Variants in ERICH3 observed in about 807,000 individuals in gnomAD.
ERICH3 encodes glutamate rich 3, also known as glutamate-rich protein 3.
In ERICH3, 126 loss-of-function variants were observed where a neutral mutation model predicts 131.1. The observed-to-expected ratio is 0.96, with a 90% confidence interval of 0.83 to 1.11. The LOEUF is 1.11. Among genes scored for constraint, ERICH3 ranks in the 50% most tolerant of loss-of-function variants. The pLI is 0.00. For missense variants in ERICH3, 2,050 were observed against 1,810.7 expected, an observed-to-expected ratio of 1.13 and a Z score of -2.40; for synonymous variants, 695 against 644.6, an observed-to-expected ratio of 1.08 and a Z score of -1.18.
At chr1:74,668,765 A>G (rs1646714767) in intron 1 of ERICH3, among the ~76,000 whole-genome samples, 1 of 152,208 alleles carries the variant, frequency 6.6e-6, no homozygotes, top group Admixed American at 6.5e-5. Flanking sequence ...AGCCTGTGCA[A>G]TTCAACTCAT....
At chr1:74,612,132 C>T (rs1263849675) in intron 9 of ERICH3, among the ~76,000 whole-genome samples, 2 of 152,132 alleles carry the variant, frequency 1.3e-5, no homozygotes, top group African/African-American at 4.8e-5. Context: ...AAGATTGAAA[C>T]TAAGGGAGAT....
At chr1:74,577,912 T>G (rs1017304755) in intron 12 of ERICH3, among the ~76,000 whole-genome samples, 17 of 152,220 alleles carry the variant, frequency 1.1e-4, no homozygotes, top group African/African-American at 4.1e-4. Flanking sequence ...GAGCATTTCA[T>G]CCATTAGTAG....
intron 1 of ERICH3, among the ~76,000 whole-genome samples, chr1:74,654,156 T>A (rs1646562053): frequency 1.3e-5 from 2 of 152,008 alleles, no homozygotes; most frequent in African/African-American, 4.8e-5. Flanking sequence ...AAGATGGAGG[T>A]TTTCTCTCGT....
At chr1:74,591,447 G>A (rs999991335) in intron 11 of ERICH3, among the ~76,000 whole-genome samples, 1 of 152,126 alleles carries the variant, frequency 6.6e-6, no homozygotes, top group African/African-American at 2.4e-5. Flanking sequence ...CACCCTAGGG[G>A]GAATGTAAAC....
intron 2 of ERICH3, among the ~76,000 whole-genome samples, chr1:74,647,782 T>G (rs953395401): frequency 6.6e-6 from 1 of 152,180 alleles, no homozygotes; most frequent in African/African-American, 2.4e-5. Flanking sequence ...ACTGGAGTAT[T>G]AAGATCAACC....
chr1:74,603,073 T>C (rs1036183990), intron 10 of ERICH3, among the ~76,000 whole-genome samples: 1 of 151,806 alleles, frequency 6.6e-6, no homozygotes, highest in Admixed American at 6.6e-5. Flanking sequence ...AGCAAAAATA[T>C]GAGGTGGGGA....
chr1:74,673,061 A>T (rs2100665497), intron 1 of ERICH3, among the ~76,000 whole-genome samples: 1 of 152,236 alleles, frequency 6.6e-6, no homozygotes, highest in East Asian at 1.9e-4. Flanking sequence ...TACTGAATGA[A>T]CTCACACCTC....
Position 74,589,733 on chromosome 1 carries a change from C to A in ERICH3, c.2074G>T (p.Val692Phe). The change falls in exon 12 of 15, where the codon GTT becomes TTT. Residue 692 changes from valine to phenylalanine, a missense_variant. Coordinates refer to ENST00000326665, the MANE Select transcript of ERICH3 (RefSeq NM_001002912.5). ...EGLSEKSGKH[V>F]SAEEKEKDKS... is the part of the protein sequence containing the mutation. ...TCCTTTTCCTTTTCTTCTGCAGAAA[C>A]ATGTTTCCCGGACTTCTCAGATAAA... is the stretch of plus-strand genomic sequence containing the variant. 1 of 1,614,098 alleles carries A rather than the reference C, an allele frequency of 6.2e-7. No individual in the cohort carries two copies. Among genetic ancestry groups the A allele is most frequent in the Non-Finnish European group, 8.5e-7 (1 of 1,179,968 alleles).
chr1:74,624,292 ACC>A (rs1173044913), intron 7 of ERICH3: 3 of 152,192 alleles, frequency 2.0e-5, no homozygotes, highest in African/African-American at 7.2e-5. Context: ...TTGATACAAA[ACC>A]AGCCTGACCA....
intron 9 of ERICH3, among the ~76,000 whole-genome samples, chr1:74,610,922 T>G (rs1648663332): frequency 6.6e-6 from 1 of 152,108 alleles, no homozygotes; most frequent in Non-Finnish European, 1.5e-5. Context: ...TTTTCTTTAT[T>G]TCCAAGATAC....
At position 74,641,400 on chromosome 1, in the gene ERICH3, T is replaced by C; in HGVS notation, c.375A>G (p.Pro125=). Residue 125 remains proline, a synonymous_variant, in exon 5 of 15, where the codon CCA becomes CCG. Coordinates refer to ENST00000326665, the MANE Select transcript of ERICH3 (RefSeq NM_001002912.5). ...NNMPILSPHP[P]VGPKSNRGHS... ...GGCCACGATTACTCTTTGGGCCAAC[T>C]GGTGGGTGGGGAGACAGGATTGGCA... 6.2e-7 allele frequency: 1 copy of C among 1,612,374 alleles called. No individual in the cohort carries two copies. The highest frequency in any genetic ancestry group is 2.2e-5 in the East Asian group (1 of 44,818).
At chr1:74,664,699 A>G (rs781027267) in intron 1 of ERICH3, among the ~76,000 whole-genome samples, 1 of 152,098 alleles carries the variant, frequency 6.6e-6, no homozygotes, top group Non-Finnish European at 1.5e-5. Flanking sequence ...TTAATTTGTA[A>G]ATGTTTATGA....
At chr1:74,630,457 A>G (rs1219658423) in intron 7 of ERICH3, among the ~76,000 whole-genome samples, 5 of 152,166 alleles carry the variant, frequency 3.3e-5, no homozygotes, top group African/African-American at 1.2e-4. Context: ...TCTGTTGCCC[A>G]TGAATGAGGC....
intron 8 of ERICH3, among the ~76,000 whole-genome samples, chr1:74,617,595 A>C (rs6701034): frequency 6.6e-6 from 1 of 151,996 alleles, no homozygotes; most frequent in Non-Finnish European, 1.5e-5. Flanking sequence ...AAGACAAAAG[A>C]CTACCCATGG....
At chr1:74,626,767 A>G (rs1649430363) in intron 7 of ERICH3, among the ~76,000 whole-genome samples, 1 of 152,162 alleles carries the variant, frequency 6.6e-6, no homozygotes, top group Non-Finnish European at 1.5e-5. Flanking sequence ...TGAAGGTGCT[A>G]GAACAAAACA....
chr1:74,630,228 T>C (rs542450131), intron 7 of ERICH3, among the ~76,000 whole-genome samples: 2 of 152,306 alleles, frequency 1.3e-5, no homozygotes, highest in African/African-American at 4.8e-5. Flanking sequence ...AGCATGTTCA[T>C]TGGCCAGGTA....
intron 12 of ERICH3, chr1:74,579,803 C>G: frequency 1.0e-6 from 1 of 985,260 alleles, no homozygotes; most frequent in Non-Finnish European, 1.2e-6. Flanking sequence ...AGGCTCCTGT[C>G]TTTTACCTAT....
At chr1:74,593,089 A>T (rs1159873505) in intron 11 of ERICH3, among the ~76,000 whole-genome samples, 2 of 152,150 alleles carry the variant, frequency 1.3e-5, no homozygotes, top group African/African-American at 4.8e-5. Context: ...TGATGCTATA[A>T]GAACCTGCTT....
intron 10 of ERICH3, among the ~76,000 whole-genome samples, chr1:74,601,436 G>T (rs191456047): frequency 6.6e-6 from 1 of 151,856 alleles, no homozygotes; most frequent in African/African-American, 2.4e-5. Flanking sequence ...AAGAAATACT[G>T]TACTCACTTT....
Sources: gnomAD v4.1 joint callset for allele counts (sites outside exome capture counted in the v4.1 genomes callset) on GRCh38, gnomAD v4.1.1 for gene constraint, MANE v1.5 for transcripts, NCBI Gene and HGNC (gene_info 2026-07-23, HGNC 2026-07-21) for gene names.